Variants in TNKS observed in about 807,000 individuals in gnomAD.
TNKS encodes the protein tankyrase.
Under a neutral mutation model 135.8 loss-of-function variants are expected in TNKS, and 72 were observed. That is an observed-to-expected ratio of 0.53 (90% CI 0.44 to 0.64). TNKS has a LOEUF of 0.64. Among genes scored for constraint, TNKS ranks in the 30% least tolerant of loss-of-function variants. The pLI is 0.00. For missense variants in TNKS, 1,769 were observed against 1,674.0 expected, an observed-to-expected ratio of 1.06 and a Z score of -0.99; for synonymous variants, 849 against 649.3, an observed-to-expected ratio of 1.31 and a Z score of -4.68.
rs1477951489 is a variant in TNKS at position 9,777,711 on chromosome 8, C to G, written c.*975C>G. On this transcript the variant is annotated 3_prime_UTR_variant, in exon 27 of 27. Coordinates refer to ENST00000310430, the MANE Select transcript of TNKS (RefSeq NM_003747.3). ...AGGGGATGCCTCCAAAAAATACATG[C>G]TTCCCTTCCCTTAATCTGTACTGTT... is the stretch of plus-strand genomic sequence containing the variant. The G allele has an allele frequency of 6.6e-6, 1 of 152,220 alleles. No homozygotes were observed. The highest frequency in any genetic ancestry group is 1.5e-5 in the Non-Finnish European group (1 of 68,044). 9.4% of individuals were successfully genotyped at this position (152,220 alleles called of 1,614,324 possible). A position where few individuals can be genotyped will look rare whatever the true frequency, so the allele number is the denominator to read the frequency against.
At chr8:9,765,414 C>T (rs1016044429) in intron 23 of TNKS, among the ~76,000 whole-genome samples, 1 of 151,812 alleles carries the variant, frequency 6.6e-6, no homozygotes, top group Non-Finnish European at 1.5e-5. Flanking sequence ...GGGGAGATGC[C>T]TAAACATAAC....
Position 9,676,686 on chromosome 8 carries a change from C to CTCTGTGTGTGTGTG in TNKS, c.995-3264_995-3263insCTGTGTGTGTGTGT, listed in dbSNP as rs1554467464. Among the ~76,000 whole-genome samples the CTCTGTGTGTGTGTG allele has an allele frequency of 5.0e-3, 734 of 147,874 alleles. 2 individuals are homozygous for CTCTGTGTGTGTGTG. Among genetic ancestry groups the CTCTGTGTGTGTGTG allele is most frequent in the African/African-American group, 0.016 (641 of 39,920 alleles). Reference sequence around the variant, plus strand: ...CTCGTATTTCTCCCTCTCTCTCTCTCTGTGTGTGTGTGTGTGTGTGTGTGT... The same window carrying CTCTGTGTGTGTGTG: ...CTCGTATTTCTCCCTCTCTCTCTCTCTCTGTGTGTGTGTGTGTGTGTGTGTGTGTGTGTGTGTGT... On this transcript the variant is annotated intron_variant, in intron 3 of 26. Transcript: ENST00000310430.
intron 2 of TNKS, among the ~76,000 whole-genome samples, chr8:9,600,037 T>G (rs936431922): frequency 4.6e-5 from 7 of 152,178 alleles, no homozygotes; most frequent in African/African-American, 1.7e-4. Context: ...CTCTAAAAAT[T>G]ATGTGCATAG....
intron 1 of TNKS, among the ~76,000 whole-genome samples, chr8:9,574,179 T>A (rs1252281307): frequency 1.3e-5 from 2 of 152,238 alleles, no homozygotes; most frequent in African/African-American, 4.8e-5. Flanking sequence ...TAATGTTATT[T>A]TTTCTCATGA....
At chr8:9,686,709 A>G (rs1401725781) in intron 5 of TNKS, among the ~76,000 whole-genome samples, 1 of 152,190 alleles carries the variant, frequency 6.6e-6, no homozygotes, top group Non-Finnish European at 1.5e-5. Flanking sequence ...CCCCCTTGAA[A>G]TGCAAAAACA....
chr8:9,661,105 C>T (rs1473365176), intron 3 of TNKS, among the ~76,000 whole-genome samples: 1 of 151,982 alleles, frequency 6.6e-6, no homozygotes, highest in Non-Finnish European at 1.5e-5. Flanking sequence ...AATGGAAGAA[C>T]ATTCCATGCT....
intron 7 of TNKS, among the ~76,000 whole-genome samples, chr8:9,706,564 T>C (rs1804056324): frequency 6.6e-6 from 1 of 152,234 alleles, no homozygotes; most frequent in Admixed American, 6.5e-5. Flanking sequence ...GGTTTTGCCA[T>C]GTTGCCCAGT....
At chr8:9,684,986 A>G (rs1007889654) in intron 5 of TNKS, among the ~76,000 whole-genome samples, 10 of 152,142 alleles carry the variant, frequency 6.6e-5, no homozygotes, top group African/African-American at 1.9e-4. Flanking sequence ...ACGCTTTAGT[A>G]TTTAGTATAC....
chr8:9,555,995 A>T lies in TNKS; in HGVS notation c.56A>T (p.Gln19Leu). 1 of 1,613,336 alleles carries T rather than the reference A, an allele frequency of 6.2e-7. No individual in the cohort carries two copies. Among genetic ancestry groups the T allele is most frequent in the Non-Finnish European group, 8.5e-7 (1 of 1,179,860 alleles). ...CACCACCATCATCAACAACAGCTCC[A>T]GCCCGCCCCAGGGGCTTCAGCGCCG... is the stretch of plus-strand genomic sequence containing the variant. Reference protein sequence around the residue: ...HHHHHHQQQLQPAPGASAPPP... With the variant: ...HHHHHHQQQLLPAPGASAPPP... Residue 19 changes from glutamine (Q) to leucine (L), a missense_variant, in exon 1 of 27, where the codon CAG (glutamine) becomes CTG (leucine). Coordinates refer to ENST00000310430, the MANE Select transcript of TNKS (RefSeq NM_003747.3).
chr8:9,735,125 C>T (rs771014994), intron 16 of TNKS, 41 bp downstream of exon 16: 12 of 1,581,282 alleles, frequency 7.6e-6, no homozygotes, highest in South Asian at 5.7e-5. Flanking sequence ...TTTCCTTTCT[C>T]GGACACCTAA....
At chr8:9,590,182 TC>T (rs1399011021) in intron 2 of TNKS, among the ~76,000 whole-genome samples, 2 of 152,142 alleles carry the variant, frequency 1.3e-5, no homozygotes, top group African/African-American at 4.8e-5. Context: ...TTCAGGGCCC[TC>T]CTTGGTCTGG....
intron 11 of TNKS, among the ~76,000 whole-genome samples, chr8:9,717,087 A>T (rs1213811199): frequency 1.6e-5 from 2 of 125,426 alleles, no homozygotes; most frequent in Middle Eastern, 8.3e-3. Flanking sequence ...ATATATATAT[A>T]TATATATATA....
In TNKS at chr8:9,580,184, A is replaced by G. The variant is rs758061116; in HGVS notation, c.699A>G (p.Glu233=). 2.5e-6 allele frequency: 4 copies of G among 1,614,180 alleles called. No homozygotes were observed. In the East Asian group the frequency reaches 8.9e-5, roughly 36 times the overall value. Reference sequence around the variant, plus strand: ...GTTTTGGAAGGAAGGATGTTGTAGAACACTTACTACAGATGGGTGCTAATG... The same window carrying G: ...GTTTTGGAAGGAAGGATGTTGTAGAGCACTTACTACAGATGGGTGCTAATG... ...AAGFGRKDVV[E]HLLQMGANVH... The change falls in exon 2 of 27, where the codon GAA becomes GAG. Residue 233 remains glutamate (E), a synonymous_variant. Transcript: ENST00000310430.
intron 5 of TNKS, among the ~76,000 whole-genome samples, chr8:9,686,155 CCT>C (rs1311130181): frequency 6.6e-6 from 1 of 152,160 alleles, no homozygotes; most frequent in Non-Finnish European, 1.5e-5. Flanking sequence ...AGGACACGCC[CCT>C]GAGTTGGCCT....
intron 11 of TNKS, among the ~76,000 whole-genome samples, chr8:9,713,886 C>T (rs1804456100): frequency 6.6e-6 from 1 of 152,124 alleles, no homozygotes; most frequent in African/African-American, 2.4e-5. Context: ...CTCATGGTTT[C>T]TGTATGATTT....
intron 2 of TNKS, among the ~76,000 whole-genome samples, chr8:9,603,441 T>TTAA (rs748487121): frequency 6.6e-5 from 10 of 152,240 alleles, no homozygotes; most frequent in Non-Finnish European, 1.3e-4. Flanking sequence ...CACATGTGGC[T>TTAA]AGTAGCTACC....
intron 10 of TNKS, 22 bp from the exon 11 acceptor site, chr8:9,710,116 TTTTC>T: frequency 6.2e-7 from 1 of 1,613,242 alleles, no homozygotes. Flanking sequence ...GACAATTACC[TTTTC>T]TTTCTTTCCT....
intron 3 of TNKS, among the ~76,000 whole-genome samples, chr8:9,667,613 C>G (rs1327495494): frequency 3.3e-5 from 5 of 152,174 alleles, no homozygotes; most frequent in Non-Finnish European, 5.9e-5. Flanking sequence ...TGCATTTTAT[C>G]CTTCATAGTC....
chr8:9,566,741 T>A (rs1797559388), intron 1 of TNKS, among the ~76,000 whole-genome samples: 1 of 151,518 alleles, frequency 6.6e-6, no homozygotes, highest in Non-Finnish European at 1.5e-5. Context: ...CCCGAGTAGC[T>A]GGGACTACAG....
Sources: allele counts gnomAD v4.1 joint callset (sites outside exome capture counted in the v4.1 genomes callset), GRCh38; gene constraint gnomAD v4.1.1; transcripts MANE v1.5; gene names NCBI Gene and HGNC (gene_info 2026-07-23, HGNC 2026-07-21).